CBLC: variants seen among roughly 807,000 people sequenced by gnomAD.
CBLC encodes Cbl proto-oncogene C.
In CBLC, 46 loss-of-function variants were observed where a neutral mutation model predicts 58.6. The ratio of observed to expected loss-of-function variants is 0.79; its 90% CI spans 0.62 to 1.00. The LOEUF (loss-of-function observed/expected upper bound fraction) is 1.00, where lower values mean the gene tolerates loss of function less well. CBLC is among the 50% of genes least tolerant of loss of function. CBLC has a pLI of 0.00. For missense variants in CBLC, 655 were observed against 625.8 expected (o/e 1.05, Z -0.50); for synonymous variants, 271 against 264.2 (o/e 1.03, Z -0.25).
At chr19:44,795,982 G>A (rs1968170273) in intron 9 of CBLC, among the ~76,000 whole-genome samples, 1 of 152,172 alleles carries the variant, frequency 6.6e-6, no homozygotes, top group South Asian at 2.1e-4. Context: ...TTGGGAAGGT[G>A]AGGCAGGTGG....
intron 1 of CBLC, among the ~76,000 whole-genome samples, chr19:44,779,711 C>G (rs1014355282): frequency 4.0e-5 from 6 of 151,856 alleles, no homozygotes; most frequent in Admixed American, 3.3e-4. Flanking sequence ...ACCACCATGC[C>G]AGACTAATCT....
intron 4 of CBLC, among the ~76,000 whole-genome samples, chr19:44,783,752 A>G (rs556116262): frequency 1.2e-3 from 182 of 152,284 alleles, no homozygotes; most frequent in African/African-American, 4.2e-3. Context: ...CAGGTGCTCA[A>G]TGGCTACTGT....
intron 5 of CBLC, among the ~76,000 whole-genome samples, chr19:44,785,117 A>G (rs2965123): frequency 0.088 from 13,215 of 150,712 alleles, 1,225 homozygotes; most frequent in African/African-American, 0.23. Context: ...GATTACAGGC[A>G]CCCACCACCA....
intron 5 of CBLC, 148 bp from the exon 6 acceptor site, chr19:44,789,856 G>C: frequency 1.5e-6 from 1 of 652,132 alleles, no homozygotes; most frequent in Non-Finnish European, 2.8e-6. Context: ...GGTGGGTGGA[G>C]GGAAAATAAG....
chr19:44,792,323 G>T, intron 6 of CBLC, 60 bp from the exon 7 acceptor site: 1 of 1,598,688 alleles, frequency 6.3e-7, no homozygotes, highest in Non-Finnish European at 8.5e-7. Context: ...TGTGGCCCAA[G>T]TTGTGTCCCC....
chr19:44,782,292 C>T lies in CBLC; in HGVS notation c.658-78C>T, dbSNP rs1206801351. Reference sequence around the variant, plus strand: ...ATGGGTGTGAAGGAGGTGGTTGGATCCTCGAGCCCTAGGGACTACTTAGGG... The same window carrying T: ...ATGGGTGTGAAGGAGGTGGTTGGATTCTCGAGCCCTAGGGACTACTTAGGG... On this transcript the variant is annotated intron_variant, in intron 3 of 10. Transcript: ENST00000647358. 5 of 1,582,248 alleles carry T rather than the reference C, an allele frequency of 3.2e-6. No homozygotes were observed. In the African/African-American group the frequency reaches 5.4e-5, roughly 17 times the overall value.
At chr19:44,797,193 C>T (rs561098885) in intron 9 of CBLC, among the ~76,000 whole-genome samples, 50 of 152,210 alleles carry the variant, frequency 3.3e-4, no homozygotes, top group Admixed American at 1.8e-3. Context: ...CAAAACATAC[C>T]ACAGAAGAGA....
At chr19:44,785,293 A>G (rs1967870216) in intron 5 of CBLC, among the ~76,000 whole-genome samples, 1 of 151,648 alleles carries the variant, frequency 6.6e-6, no homozygotes, top group South Asian at 2.1e-4. Flanking sequence ...GATTTTTAAT[A>G]GAGATGGGGT....
At chr19:44,780,451 C>T (rs1164656818) in intron 1 of CBLC, among the ~76,000 whole-genome samples, 6 of 148,936 alleles carry the variant, frequency 4.0e-5, no homozygotes, top group Non-Finnish European at 8.9e-5. Flanking sequence ...CTAATAAAAG[C>T]CATGTATATC....
At chr19:44,791,837 A>AT (rs960301606) in intron 6 of CBLC, among the ~76,000 whole-genome samples, 16 of 148,222 alleles carry the variant, frequency 1.1e-4, no homozygotes, top group East Asian at 3.9e-4. Context: ...TTGGTTTATT[A>AT]TTTTTTTTTT....
chr19:44,783,790 T>C lies in CBLC; in HGVS notation c.780-474T>C, dbSNP rs565541906. ...GGAATCAGTTCCTGTTCATCCCCTTTCTCTGCTTTCCTCTGTTTGCTTCAT... is the reference window on the plus strand; with the variant it reads ...GGAATCAGTTCCTGTTCATCCCCTTCCTCTGCTTTCCTCTGTTTGCTTCAT... On this transcript the variant is annotated intron_variant, in intron 4 of 10. Transcript: ENST00000647358. Among the ~76,000 whole-genome samples the C allele has an allele frequency of 5.6e-4, 85 of 152,312 alleles. No individual in the cohort carries two copies. In the Middle Eastern group the frequency reaches 0.017, roughly 30 times the overall value.
chr19:44,781,109 C>T lies in CBLC; in HGVS notation c.500+58C>T, dbSNP rs1967716432. On this transcript the variant is annotated intron_variant, in intron 2 of 10. Transcript: ENST00000647358. ...CCCATCCTGCCCTGGCCCAGGGACC[C>T]AGGGGTCCAGGCCCACAGCTGCTTC... is the stretch of plus-strand genomic sequence containing the variant. 5.0e-6 allele frequency: 8 copies of T among 1,584,378 alleles called. No homozygotes were observed. In the Admixed American group the frequency reaches 5.2e-5, roughly 10 times the overall value.
intron 5 of CBLC, among the ~76,000 whole-genome samples, chr19:44,788,032 AGC>A (rs925583631): frequency 7.3e-5 from 11 of 150,610 alleles, no homozygotes; most frequent in African/African-American, 2.4e-4. Context: ...GCTGGGCTCA[AGC>A]GACCCTCCCT....
chr19:44,782,426 C>T lies in CBLC; in HGVS notation c.714C>T (p.Tyr238=), dbSNP rs1246116909. 20 of 1,613,816 alleles carry T rather than the reference C, an allele frequency of 1.2e-5. No homozygotes were observed. Among genetic ancestry groups the T allele is most frequent in the Non-Finnish European group, 1.7e-5 (20 of 1,179,890 alleles). Residue 238 remains tyrosine (Y), a synonymous_variant, in exon 4 of 11, where the codon TAC becomes TAT. Coordinates refer to ENST00000647358, the MANE Select transcript of CBLC (RefSeq NM_012116.4). ...WQLLAVNHPG[Y]MAFLTYDEVQ... ...TCCTGGCAGTCAACCACCCAGGCTA[C>T]ATGGCCTTCCTCACCTATGATGAGG... is the stretch of plus-strand genomic sequence containing the variant.
At chr19:44,799,182 A>T (rs1047344794) in intron 9 of CBLC, among the ~76,000 whole-genome samples, 1 of 152,084 alleles carries the variant, frequency 6.6e-6, no homozygotes, top group Non-Finnish European at 1.5e-5. Context: ...AGCGAAAAAC[A>T]GGGCCTTGGC....
intron 9 of CBLC, among the ~76,000 whole-genome samples, chr19:44,795,945 G>T (rs1340702359): frequency 6.6e-6 from 1 of 152,200 alleles, no homozygotes; most frequent in Non-Finnish European, 1.5e-5. Context: ...GCTGGGCGCG[G>T]TGGCTTATGC....
rs539714533 is a variant in CBLC, at chr19:44,793,985, A to G, written c.1285-219A>G. The G allele has an allele frequency of 3.4e-5, 10 of 291,562 alleles. No individual in the cohort carries two copies. In the South Asian group the frequency reaches 1.3e-3, roughly 39 times the overall value. 18.1% of individuals were successfully genotyped at this position (291,562 alleles called of 1,614,324 possible). Reference sequence around the variant, plus strand: ...AGGAGAGGAGGGGGCTGATAACAAGATTCTCAGGTCCTAGGGAACTGGTCT... The same window carrying G: ...AGGAGAGGAGGGGGCTGATAACAAGGTTCTCAGGTCCTAGGGAACTGGTCT... On this transcript the variant is annotated intron_variant, in intron 8 of 10. Transcript: ENST00000647358.
Position 44,788,365 on chromosome 19 carries a change from A to G in CBLC, c.918-1639A>G, listed in dbSNP as rs143229591. Among the ~76,000 whole-genome samples, 663 of 151,270 alleles carry G rather than the reference A, an allele frequency of 4.4e-3. 7 individuals carry two copies. Among genetic ancestry groups the G allele is most frequent in the African/African-American group, 0.015 (623 of 41,206 alleles). On this transcript the variant is annotated intron_variant, in intron 5 of 10. Coordinates refer to ENST00000647358, the MANE Select transcript of CBLC (RefSeq NM_012116.4). ...GGTCTCGAACCCCTGGGCTCAAGCA[A>G]TCCTCCCGCCTCAGCCTCTCAGAGT...
rs1185174270 is a variant in CBLC, at chr19:44,800,418, G to A, written c.1400G>A (p.Gly467Glu). The change falls in exon 10 of 11, where the codon GGA becomes GAA. Residue 467 changes from glycine to glutamate, a missense_variant. By Grantham distance (98) the Gly-to-Glu change is moderately conservative (BLOSUM62 -2). Coordinates refer to ENST00000647358, the MANE Select transcript of CBLC (RefSeq NM_012116.4). Reference protein sequence around the residue: ...LKGNSPPAALGPQDPAPA With the variant: ...LKGNSPPAALEPQDPAPA ...GGGAACTCCCCTCCAGCTGCGCTGG[G>A]ACCCCAGGACCCTGCCCCGGCCTGA... The A allele has an allele frequency of 1.2e-6, 2 of 1,613,300 alleles. No homozygotes were observed. The highest frequency in any genetic ancestry group is 3.3e-5 in the Admixed American group (2 of 59,990).
Sources: gnomAD v4.1 joint callset for allele counts (sites outside exome capture counted in the v4.1 genomes callset) on GRCh38, gnomAD v4.1.1 for gene constraint, MANE v1.5 for transcripts, NCBI Gene and HGNC (gene_info 2026-07-23, HGNC 2026-07-21) for gene names.